Variants in SH3TC2 observed in about 807,000 individuals in gnomAD.
The protein encoded by SH3TC2 is SH3 domain and tetratricopeptide repeat-containing protein 2.
In SH3TC2, 87 loss-of-function variants were observed where a neutral mutation model predicts 124.5. The observed-to-expected ratio is 0.70, with a 90% CI of 0.59 to 0.84. SH3TC2 has a LOEUF of 0.84. Among genes scored for constraint, SH3TC2 ranks in the 40% least tolerant of loss-of-function variants. The pLI, the probability that SH3TC2 is intolerant of heterozygous loss-of-function variation, is 0.00. For synonymous variants in SH3TC2, 634 were observed against 628.5 expected, an observed-to-expected ratio of 1.01 and a Z score of -0.13; for missense variants, 1,536 against 1,566.4, an observed-to-expected ratio of 0.98 and a Z score of 0.33.
At chr5:149,022,342 A>T (rs1175267413) in intron 12 of SH3TC2, among the ~76,000 whole-genome samples, 1 of 152,226 alleles carries the variant, frequency 6.6e-6, no homozygotes. Context: ...ATGAGATACA[A>T]TATCACTCCC....
rs1355210841 is a variant in SH3TC2 at position 149,028,566 on chromosome 5, G to A, written c.1178-12C>T. The A allele has an allele frequency of 6.2e-7, 1 of 1,614,154 alleles. No homozygotes were observed. Among genetic ancestry groups the A allele is most frequent in the Non-Finnish European group, 8.5e-7 (1 of 1,180,012 alleles). Reference sequence around the variant, plus strand: ...TTCAGGCTGGGATGCTGTAAGGACAGGCAAAGTTGAGCAACCTTGGGCACC... The same window carrying A: ...TTCAGGCTGGGATGCTGTAAGGACAAGCAAAGTTGAGCAACCTTGGGCACC... On this transcript the variant is annotated splice_polypyrimidine_tract_variant and intron_variant, in intron 10 of 16. Coordinates refer to ENST00000515425, the MANE Select transcript of SH3TC2 (RefSeq NM_024577.4).
In SH3TC2 at chr5:148,994,697, A is replaced by ATGGAT. The variant is rs886060144; in HGVS notation, c.*10013_*10014insATCCA. Reference sequence around the variant, plus strand: ...TTGGATAAATGAATGGATGGATGGAAGGATGGATGGATGGATGGATGGATG... The same window carrying ATGGAT: ...TTGGATAAATGAATGGATGGATGGAATGGATGGATGGATGGATGGATGGATGGATG... On this transcript the variant is annotated 3_prime_UTR_variant, in exon 17 of 17. Coordinates refer to ENST00000515425, the MANE Select transcript of SH3TC2 (RefSeq NM_024577.4). Among the ~76,000 whole-genome samples the ATGGAT allele has an allele frequency of 6.9e-6, 1 of 144,736 alleles. No individual in the cohort carries two copies. The highest frequency in any genetic ancestry group is 2.6e-5 in the African/African-American group (1 of 38,708). 95.0% of individuals were successfully genotyped at this position (144,736 alleles called of 152,430 possible). A position where few individuals can be genotyped will look rare whatever the true frequency, so the allele number is the denominator to read the frequency against.
chr5:149,018,265 A>G (rs970018724), intron 12 of SH3TC2, among the ~76,000 whole-genome samples: 2 of 152,134 alleles, frequency 1.3e-5, no homozygotes, highest in Non-Finnish European at 2.9e-5. Flanking sequence ...ACAGGTCTGG[A>G]TACCCATTGC....
chr5:149,010,329 C>G lies in SH3TC2; in HGVS notation c.3268G>C (p.Ala1090Pro). The part of the protein sequence containing the change: ...PLLALKLYEE[A>P]GDVFFNGTRH... ...GTCCCATTGAAGAACACATCACCTG[C>G]TTCTTCATAAAGTTTGAGAGCCAGC... The change falls in exon 14 of 17, where the codon GCA (alanine) becomes CCA (proline). Residue 1090 changes from alanine to proline, a missense_variant. Coordinates refer to ENST00000515425, the MANE Select transcript of SH3TC2 (RefSeq NM_024577.4). The G allele has an allele frequency of 1.2e-6, 2 of 1,614,124 alleles. No homozygotes were observed. The highest frequency in any genetic ancestry group is 2.2e-5 in the South Asian group (2 of 91,076).
chr5:148,990,230 A>G lies in SH3TC2; in HGVS notation c.*14481T>C, dbSNP rs776282002. 6.6e-6 allele frequency among the ~76,000 whole-genome samples: 1 copy of G among 151,576 alleles called. No individual in the cohort carries two copies. The highest frequency in any genetic ancestry group is 1.5e-5 in the Non-Finnish European group (1 of 68,024). Reference sequence around the variant, plus strand: ...TGCAGTTCCTTTCTCCTACTAGGACATTGGTCATTTAAAATATATTCATAG... The same window carrying G: ...TGCAGTTCCTTTCTCCTACTAGGACGTTGGTCATTTAAAATATATTCATAG... On this transcript the variant is annotated 3_prime_UTR_variant, in exon 17 of 17. Transcript: ENST00000515425.
At chr5:149,057,448 A>T (rs1173508471) in intron 1 of SH3TC2, 8 of 152,004 alleles carry the variant, frequency 5.3e-5, no homozygotes, top group African/African-American at 1.9e-4. Context: ...GTACCTGTGC[A>T]GGATATGCAG....
chr5:148,998,084 G>A lies in SH3TC2; in HGVS notation c.*6627C>T, dbSNP rs536731603. 7.2e-5 allele frequency among the ~76,000 whole-genome samples: 11 copies of A among 152,234 alleles called. No individual in the cohort carries two copies. In the South Asian group the frequency reaches 2.3e-3, roughly 32 times the overall value. ...TTAATGAGTGAGAAATTCATTTGGT[G>A]AGTCATAAATTTGATATTTTTTAAC... On this transcript the variant is annotated 3_prime_UTR_variant, in exon 17 of 17. Coordinates refer to ENST00000515425, the MANE Select transcript of SH3TC2 (RefSeq NM_024577.4).
At chr5:149,011,040 G>T (rs1753775197) in intron 13 of SH3TC2, among the ~76,000 whole-genome samples, 1 of 152,032 alleles carries the variant, frequency 6.6e-6, no homozygotes, top group African/African-American at 2.4e-5. Flanking sequence ...AGCTATTTTG[G>T]ATTTCATCTA....
intron 9 of SH3TC2, among the ~76,000 whole-genome samples, chr5:149,030,012 A>G (rs1207503690): frequency 2.0e-5 from 3 of 152,154 alleles, no homozygotes; most frequent in Non-Finnish European, 2.9e-5. Flanking sequence ...AGAGATTGTC[A>G]TTGCAGAACC....
At chr5:149,007,888 A>C (rs1393531080) in intron 15 of SH3TC2, 1 of 152,704 alleles carries the variant, frequency 6.5e-6, no homozygotes, top group African/African-American at 2.4e-5. Context: ...ATATGGAAAA[A>C]TCAGCCACAG....
At position 149,012,720 on chromosome 5, in the gene SH3TC2, G is replaced by A. The variant is rs1313031147; in HGVS notation, c.3068C>T (p.Ser1023Leu). ...CAGGCTCTCCTTGATGCATGTGAGTGACCTCCTGAGGGACCTGGGGACAGA... is the reference window on the plus strand; with the variant it reads ...CAGGCTCTCCTTGATGCATGTGAGTAACCTCCTGAGGGACCTGGGGACAGA... ...NLNTARSLRRSLTCIKESLRI... is the reference protein window; with the variant it reads ...NLNTARSLRRLLTCIKESLRI... The change falls in exon 13 of 17, where the codon TCA becomes TTA. Residue 1023 changes from serine (S) to leucine (L), a missense_variant. Ser to Leu is a moderately radical substitution (Grantham distance 145). Coordinates refer to ENST00000515425, the MANE Select transcript of SH3TC2 (RefSeq NM_024577.4). 6.2e-7 allele frequency: 1 copy of A among 1,614,142 alleles called. No individual in the cohort carries two copies.
Position 149,004,583 on chromosome 5 carries a change from C to A in SH3TC2, c.*128G>T. The A allele has an allele frequency of 8.2e-6, 8 of 977,700 alleles. No homozygotes were observed. The highest frequency in any genetic ancestry group is 1.2e-5 in the Non-Finnish European group (8 of 665,052). The allele number at this position is 977,700 out of a possible 1,614,324, so 60.6% of individuals were successfully genotyped here. A position where few individuals can be genotyped will look rare whatever the true frequency, so the allele number is the denominator to read the frequency against. ...AGCCCTTCTCCTCCTGGACTTCATT[C>A]TTCTTCTTGTGAAATGAGGGGGCTA... On this transcript the variant is annotated 3_prime_UTR_variant, in exon 17 of 17. Transcript: ENST00000515425.
intron 9 of SH3TC2, 110 bp downstream of exon 9, chr5:149,031,444 C>G: frequency 2.7e-6 from 4 of 1,473,296 alleles, no homozygotes; most frequent in Admixed American, 3.3e-5. Flanking sequence ...CATGGCCACC[C>G]AAATTCATGA....
At position 149,028,123 on chromosome 5, in the gene SH3TC2, G is replaced by C; in HGVS notation, c.1609C>G (p.Leu537Val). The C allele has an allele frequency of 6.2e-7, 1 of 1,614,078 alleles. No homozygotes were observed. Among genetic ancestry groups the C allele is most frequent in the Non-Finnish European group, 8.5e-7 (1 of 1,180,020 alleles). ...HARLCFLLGR[L>V]SIRKVKLSQA... ...GAGAGTTTGACCTTCCTGATGCTCA[G>C]CCGGCCCAGGAGGAAGCAGAGACGG... Residue 537 changes from leucine (L) to valine (V), a missense_variant, in exon 11 of 17, where the codon CTG (leucine) becomes GTG (valine). Physicochemically the swap from Leu to Val is conservative, Grantham distance 32. Around this residue, in one of 3 missense-constraint regions of SH3TC2, gnomAD observed 1,102 missense variants for 1,098.6 expected, o/e 1.00. Coordinates refer to ENST00000515425, the MANE Select transcript of SH3TC2 (RefSeq NM_024577.4).
chr5:149,049,519 C>T (rs986163299), intron 2 of SH3TC2, among the ~76,000 whole-genome samples: 3 of 152,060 alleles, frequency 2.0e-5, no homozygotes, highest in African/African-American at 4.8e-5. Flanking sequence ...GTAATCCTAG[C>T]GGTTTGGGAG....
Position 149,042,723 on chromosome 5 carries a change from G to A in SH3TC2, c.500C>T (p.Thr167Ile). Residue 167 changes from threonine to isoleucine, a missense_variant, in exon 5 of 17, where the codon ACA (threonine) becomes ATA (isoleucine). Transcript: ENST00000515425. ...CTGTATCAGGAGTCCCAGGTATATT[G>A]TTTCCAGGTGTTTATCATCTACAGA... ...QVSVDDKHLE[T>I]IYLGLLIQEG... 1 of 1,614,104 alleles carries A rather than the reference G, an allele frequency of 6.2e-7. No individual in the cohort carries two copies. Among genetic ancestry groups the A allele is most frequent in the Non-Finnish European group, 8.5e-7 (1 of 1,180,010 alleles).
intron 12 of SH3TC2, among the ~76,000 whole-genome samples, chr5:149,025,414 C>CA (rs1395694128): frequency 5.9e-5 from 9 of 151,664 alleles, no homozygotes; most frequent in Non-Finnish European, 1.2e-4. Flanking sequence ...CTTAGAAATG[C>CA]AAAAAAATAT....
At position 149,027,255 on chromosome 5, in the gene SH3TC2, A is replaced by G. The variant is rs766809869; in HGVS notation, c.2477T>C (p.Leu826Pro). 6.2e-7 allele frequency: 1 copy of G among 1,614,186 alleles called. No homozygotes were observed. Among genetic ancestry groups the G allele is most frequent in the East Asian group, 2.2e-5 (1 of 44,888 alleles). The change falls in exon 11 of 17, where the codon CTG (leucine) becomes CCG (proline). Residue 826 changes from leucine to proline, a missense_variant. This residue lies in a region of SH3TC2 where 1,102 missense variants were observed against 1,098.6 expected (regional missense o/e 1.00). Coordinates refer to ENST00000515425, the MANE Select transcript of SH3TC2 (RefSeq NM_024577.4). ...TTGAGTGAGACTCTCTGTCTCCTTC[A>G]GGGAGCATAGCAGTGGCTCAAGCAC... ...LDVLEPLLCSLKETESLTQRG... is the reference protein window; with the variant it reads ...LDVLEPLLCSPKETESLTQRG...
chr5:149,018,188 C>T (rs1404840261), intron 12 of SH3TC2, among the ~76,000 whole-genome samples: 2 of 152,092 alleles, frequency 1.3e-5, no homozygotes, highest in South Asian at 2.1e-4. Context: ...TTATATATGG[C>T]TTAGTAAACA....
Sources: gnomAD v4.1 joint callset for allele counts (sites outside exome capture counted in the v4.1 genomes callset) on GRCh38, gnomAD v4.1.1 for gene constraint, gnomAD v4.1.1 regional missense constraint, MANE v1.5 for transcripts, NCBI Gene and HGNC (gene_info 2026-07-23, HGNC 2026-07-21) for gene names.